Variants in PHACTR1 observed in about 807,000 individuals in gnomAD.
PHACTR1 encodes the protein phosphatase and actin regulator 1, also known as RPEL repeat containing 1.
Under a neutral mutation model 69.2 loss-of-function variants are expected in PHACTR1, and 16 were observed. The ratio of observed to expected loss-of-function variants is 0.23; its 90% confidence interval spans 0.16 to 0.35. The LOEUF (loss-of-function observed/expected upper bound fraction) is 0.35, where lower values mean the gene tolerates loss of function less well. Ranked by LOEUF, PHACTR1 falls within the 10% of genes least tolerant of loss-of-function variation. PHACTR1 has a pLI of 1.00. For missense variants in PHACTR1, 510 were observed against 734.7 expected (o/e 0.69, Z 3.54); for synonymous variants, 312 against 284.5 (o/e 1.10, Z -0.97).
chr6:13,089,144 C>G (rs1812793843), intron 5 of PHACTR1, among the ~76,000 whole-genome samples: 1 of 152,156 alleles, frequency 6.6e-6, no homozygotes, highest in African/African-American at 2.4e-5. Context: ...AACACAGTCC[C>G]CTCCCCCTTA....
At chr6:12,968,906 G>A (rs1390116308) in intron 4 of PHACTR1, among the ~76,000 whole-genome samples, 1 of 151,402 alleles carries the variant, frequency 6.6e-6, no homozygotes, top group Admixed American at 6.6e-5. Flanking sequence ...GAAAGAAAGT[G>A]GTTATCAAAC....
intron 5 of PHACTR1, among the ~76,000 whole-genome samples, chr6:13,088,317 C>A (rs1177455647): frequency 6.9e-6 from 1 of 145,126 alleles, no homozygotes; most frequent in Admixed American, 6.7e-5. Flanking sequence ...GCCCCACTAC[C>A]CCCCGCAAAA....
At chr6:12,774,772 A>G (rs1769844219) in intron 4 of PHACTR1, among the ~76,000 whole-genome samples, 1 of 152,224 alleles carries the variant, frequency 6.6e-6, no homozygotes, top group African/African-American at 2.4e-5. Context: ...ATGCAGTATC[A>G]CATCCACAGA....
chr6:13,089,770 T>C (rs570261109), intron 5 of PHACTR1, among the ~76,000 whole-genome samples: 1 of 152,278 alleles, frequency 6.6e-6, no homozygotes, highest in South Asian at 2.1e-4. Context: ...GGCTGACACA[T>C]TTATGTTGCC....
At chr6:12,953,395 A>G (rs1791523718) in intron 4 of PHACTR1, among the ~76,000 whole-genome samples, 1 of 152,256 alleles carries the variant, frequency 6.6e-6, no homozygotes, top group Non-Finnish European at 1.5e-5. Flanking sequence ...CTAGTAAGCT[A>G]GTTTTCTATT....
In PHACTR1 at chr6:12,764,834, T is replaced by C. The variant is rs1768422529; in HGVS notation, c.250+15044T>C. 2.0e-5 allele frequency among the ~76,000 whole-genome samples: 3 copies of C among 151,972 alleles called. No homozygotes were observed. In the South Asian group the frequency reaches 6.3e-4, roughly 32 times the overall value. On this transcript the variant is annotated intron_variant, in intron 4 of 14. Coordinates refer to ENST00000332995, the MANE Select transcript of PHACTR1 (RefSeq NM_030948.6). ...AATGTCTAGAGGTCATGGATACATA[T>C]GGGAGCTGCTCTGGTCAGGTAAAGA...
chr6:13,037,786 G>A (rs1191168702), intron 4 of PHACTR1, among the ~76,000 whole-genome samples: 2 of 152,216 alleles, frequency 1.3e-5, no homozygotes, highest in Non-Finnish European at 2.9e-5. Context: ...TTGAGGGCAA[G>A]TAACAAAAGT....
rs202026 is a variant in PHACTR1, at chr6:13,246,774, T to G, written c.1391+16581T>G. Reference sequence around the variant, plus strand: ...CAGAACGAGATTACAACTGAGAAATTTGCAGTACAGTTGTTCTTCACGTGT... The same window carrying G: ...CAGAACGAGATTACAACTGAGAAATGTGCAGTACAGTTGTTCTTCACGTGT... On this transcript the variant is annotated intron_variant, in intron 10 of 14. Coordinates refer to ENST00000332995, the MANE Select transcript of PHACTR1 (RefSeq NM_030948.6). The surrounding 1 kb of genome is among the most constrained non-coding windows in gnomAD (Gnocchi z 4.2). Among the ~76,000 whole-genome samples the G allele has an allele frequency of 1.3e-4, 20 of 152,278 alleles. No homozygotes were observed. The highest frequency in any genetic ancestry group is 4.6e-4 in the Admixed American group (7 of 15,286).
At chr6:12,884,151 C>T (rs1307787162) in intron 4 of PHACTR1, among the ~76,000 whole-genome samples, 2 of 152,204 alleles carry the variant, frequency 1.3e-5, no homozygotes, top group Admixed American at 1.3e-4. Flanking sequence ...CCTATGCAAA[C>T]ACATATACAT....
rs534271696 is a variant in PHACTR1 at position 12,898,364 on chromosome 6, A to T, written c.250+148574A>T. Among the ~76,000 whole-genome samples, 4 of 150,604 alleles carry T rather than the reference A, an allele frequency of 2.7e-5. No individual in the cohort carries two copies. The East Asian group carries it at 7.8e-4, about 29-fold the overall frequency. ...ACTTCATTCGAGCTTGCCCTCCTCA[A>T]TCCTAAAACCATGTGTCCAACAGAC... On this transcript the variant is annotated intron_variant, in intron 4 of 14. Coordinates refer to ENST00000332995, the MANE Select transcript of PHACTR1 (RefSeq NM_030948.6).
At chr6:12,972,812 G>A (rs1003016321) in intron 4 of PHACTR1, among the ~76,000 whole-genome samples, 2 of 151,978 alleles carry the variant, frequency 1.3e-5, no homozygotes, top group East Asian at 1.9e-4. Context: ...CCACCACACT[G>A]GCTAATTTTT....
intron 4 of PHACTR1, among the ~76,000 whole-genome samples, chr6:12,918,128 G>A (rs1292801821): frequency 6.6e-6 from 1 of 152,132 alleles, no homozygotes; most frequent in African/African-American, 2.4e-5. Flanking sequence ...ATTGCACCAT[G>A]GATCACCTTT....
intron 7 of PHACTR1, among the ~76,000 whole-genome samples, chr6:13,196,743 T>C (rs1421253177): frequency 6.6e-6 from 1 of 152,166 alleles, no homozygotes; most frequent in Admixed American, 6.5e-5. Context: ...TCAATACCGA[T>C]GTAGTGCGGT....
intron 4 of PHACTR1, among the ~76,000 whole-genome samples, chr6:12,834,866 A>C (rs528506795): frequency 1.3e-5 from 2 of 152,136 alleles, no homozygotes; most frequent in African/African-American, 4.8e-5. Flanking sequence ...ACAATGTAGA[A>C]CATTCTAGAA....
chr6:13,019,729 T>C lies in PHACTR1; in HGVS notation c.251-33636T>C, dbSNP rs372441898. ...AATATCCTCATTTGTCTAAAGGAGA[T>C]AAAAACACTCACATTGAAAAAGGTA... On this transcript the variant is annotated intron_variant, in intron 4 of 14. Transcript: ENST00000332995. Among the ~76,000 whole-genome samples, 38 of 152,306 alleles carry C rather than the reference T, an allele frequency of 2.5e-4. 1 individual carries two copies. Among genetic ancestry groups the C allele is most frequent in the African/African-American group, 8.7e-4 (36 of 41,564 alleles).
intron 5 of PHACTR1, 140 bp downstream of exon 5, chr6:13,053,669 AT>A: frequency 9.9e-7 from 1 of 1,007,056 alleles, no homozygotes; most frequent in Non-Finnish European, 1.4e-6. Context: ...TGTCTTTAAA[AT>A]TTTTTCAGTA....
intron 4 of PHACTR1, among the ~76,000 whole-genome samples, chr6:12,857,094 C>G (rs899961566): frequency 2.0e-5 from 3 of 152,178 alleles, no homozygotes; most frequent in African/African-American, 4.8e-5. Flanking sequence ...AAAACAATTT[C>G]CTCTTCTTAA....
intron 5 of PHACTR1, among the ~76,000 whole-genome samples, chr6:13,152,257 C>A (rs1236638941): frequency 6.6e-6 from 1 of 151,954 alleles, no homozygotes; most frequent in Non-Finnish European, 1.5e-5. Context: ...AGGCTTAAAC[C>A]TGGGAGGTGG....
At chr6:13,021,794 A>G (rs1801013490) in intron 4 of PHACTR1, among the ~76,000 whole-genome samples, 1 of 152,272 alleles carries the variant, frequency 6.6e-6, no homozygotes, top group Non-Finnish European at 1.5e-5. Flanking sequence ...GAGTTAACTC[A>G]GTCCACTTAA....
Sources: gnomAD v4.1 joint callset for allele counts (sites outside exome capture counted in the v4.1 genomes callset) on GRCh38, gnomAD v4.1.1 for gene constraint, Gnocchi (gnomAD v3.1) non-coding constraint, MANE v1.5 for transcripts, NCBI Gene and HGNC (gene_info 2026-07-23, HGNC 2026-07-21) for gene names.